COL27A1: variants seen among roughly 807,000 people sequenced by gnomAD.
COL27A1 encodes the protein collagen alpha-1(XXVII) chain.
In COL27A1, 106 loss-of-function variants were observed where a neutral mutation model predicts 251.3. The ratio of observed to expected loss-of-function variants is 0.42; its 90% CI spans 0.36 to 0.50. The LOEUF (loss-of-function observed/expected upper bound fraction) is 0.50, where lower values mean the gene tolerates loss of function less well. Among genes scored for constraint, COL27A1 ranks in the 20% least tolerant of loss-of-function variants. The pLI is 0.00. For synonymous variants in COL27A1, 1,000 were observed against 986.3 expected (o/e 1.01, Z -0.26); for missense variants, 2,325 against 2,522.8 (o/e 0.92, Z 1.68).
chr9:114,285,137 A>T (rs531114194), intron 41 of COL27A1, among the ~76,000 whole-genome samples: 1 of 152,342 alleles, frequency 6.6e-6, no homozygotes, highest in Non-Finnish European at 1.5e-5. Flanking sequence ...CTTGCCCATG[A>T]ATAAGATCAC....
intron 3 of COL27A1, among the ~76,000 whole-genome samples, chr9:114,169,862 T>A (rs1385927684): frequency 6.6e-6 from 1 of 152,226 alleles, no homozygotes; most frequent in African/African-American, 2.4e-5. Context: ...TCCCAGCTCA[T>A]GGAGCAGGGG....
chr9:114,277,799 G>A (rs1835603606), intron 37 of COL27A1, among the ~76,000 whole-genome samples: 1 of 152,176 alleles, frequency 6.6e-6, no homozygotes, highest in East Asian at 1.9e-4. Flanking sequence ...CTCTGGTTTT[G>A]CCCTTGGAGG....
intron 28 of COL27A1, among the ~76,000 whole-genome samples, chr9:114,260,319 G>T (rs967431001): frequency 1.3e-5 from 2 of 152,206 alleles, no homozygotes; most frequent in African/African-American, 4.8e-5. Context: ...CACTGGGTTT[G>T]TCAGGAATGC....
At position 114,306,501 on chromosome 9, in the gene COL27A1, C is replaced by T. The variant is rs1435646643; in HGVS notation, c.4939-19C>T. 6.2e-7 allele frequency: 1 copy of T among 1,612,908 alleles called. No individual in the cohort carries two copies. The highest frequency in any genetic ancestry group is 1.3e-5 in the African/African-American group (1 of 74,888). ...ACCAGGACCCTAAGGTCCCAATGAC[C>T]ACCCTCTCCTCGTGACAGAGTTACA... is the stretch of plus-strand genomic sequence containing the variant. On this transcript the variant is annotated intron_variant, in intron 57 of 60. Coordinates refer to ENST00000356083, the MANE Select transcript of COL27A1 (RefSeq NM_032888.4).
At chr9:114,180,842 G>T (rs946947150) in intron 4 of COL27A1, among the ~76,000 whole-genome samples, 10 of 152,150 alleles carry the variant, frequency 6.6e-5, no homozygotes, top group Admixed American at 2.0e-4. Context: ...GGACGGGGGG[G>T]CAGGGAAACA....
chr9:114,288,160 G>T (rs1401330051), intron 41 of COL27A1, among the ~76,000 whole-genome samples: 1 of 152,130 alleles, frequency 6.6e-6, no homozygotes, highest in Non-Finnish European at 1.5e-5. Context: ...CCACACGGCT[G>T]GTCCTTTGCA....
At chr9:114,238,306 G>A (rs1832531809) in intron 19 of COL27A1, among the ~76,000 whole-genome samples, 2 of 152,356 alleles carry the variant, frequency 1.3e-5, no homozygotes, top group Admixed American at 6.5e-5. Flanking sequence ...GAATTCACAT[G>A]TAATGTTGCG....
At chr9:114,197,906 A>G (rs1444597560) in intron 7 of COL27A1, among the ~76,000 whole-genome samples, 1 of 152,238 alleles carries the variant, frequency 6.6e-6, no homozygotes, top group African/African-American at 2.4e-5. Flanking sequence ...GTCCCAAGGC[A>G]GAGACCCCTG....
intron 12 of COL27A1, chr9:114,218,042 G>A (rs1830824519): frequency 2.8e-6 from 1 of 353,728 alleles, no homozygotes; most frequent in Admixed American, 3.8e-5. Context: ...AGGAGGCAGA[G>A]GTTGCAGTGA....
In COL27A1 at chr9:114,305,023, G is replaced by A. The variant is rs550235925; in HGVS notation, c.4938+350G>A. 1.2e-4 allele frequency among the ~76,000 whole-genome samples: 18 copies of A among 152,318 alleles called. No homozygotes were observed. The South Asian group carries it at 2.9e-3, about 25-fold the overall frequency. On this transcript the variant is annotated intron_variant, in intron 57 of 60. Coordinates refer to ENST00000356083, the MANE Select transcript of COL27A1 (RefSeq NM_032888.4). ...GCAGCTTCCCAGTGCTCATCCCCACGTTTCTTCAGGAGTAAGAAGCTCATG... is the reference window on the plus strand; with the variant it reads ...GCAGCTTCCCAGTGCTCATCCCCACATTTCTTCAGGAGTAAGAAGCTCATG...
chr9:114,252,813 C>A, intron 26 of COL27A1, 66 bp from the exon 27 acceptor site: 1 of 1,542,082 alleles, frequency 6.5e-7, no homozygotes, highest in Non-Finnish European at 9.0e-7. Context: ...GCTGAGCCGA[C>A]CGAGGTGGGA....
intron 28 of COL27A1, among the ~76,000 whole-genome samples, chr9:114,263,127 T>TG (rs1230743697): frequency 6.6e-6 from 1 of 151,898 alleles, no homozygotes; most frequent in Non-Finnish European, 1.5e-5. Context: ...ATAGTAGAGA[T>TG]GGGGTTTCAC....
chr9:114,221,855 G>A (rs1831131522), intron 13 of COL27A1, among the ~76,000 whole-genome samples: 1 of 152,238 alleles, frequency 6.6e-6, no homozygotes, highest in Admixed American at 6.5e-5. Flanking sequence ...GGCCTTGGGT[G>A]AATCACTTAA....
At chr9:114,207,716 G>C (rs1488452415) in intron 10 of COL27A1, among the ~76,000 whole-genome samples, 2 of 152,320 alleles carry the variant, frequency 1.3e-5, no homozygotes, top group South Asian at 2.1e-4. Flanking sequence ...GTAGGCAGAG[G>C]GCAGGCTTTG....
At chr9:114,244,628 A>C (rs1045497305) in intron 23 of COL27A1, among the ~76,000 whole-genome samples, 1 of 152,196 alleles carries the variant, frequency 6.6e-6, no homozygotes, top group African/African-American at 2.4e-5. Flanking sequence ...TGGCCCACTT[A>C]TCTGTCCTGG....
chr9:114,281,597 C>T (rs1034665333), intron 37 of COL27A1, among the ~76,000 whole-genome samples: 1 of 152,202 alleles, frequency 6.6e-6, no homozygotes, highest in African/African-American at 2.4e-5. Context: ...GAGGAGGGGC[C>T]CGTTCAAGGG....
intron 2 of COL27A1, among the ~76,000 whole-genome samples, chr9:114,165,898 C>CCATCAATT (rs1161497939): frequency 2.6e-5 from 4 of 151,328 alleles, no homozygotes; most frequent in African/African-American, 9.7e-5. Flanking sequence ...ACCTATCTAT[C>CCATCAATT]CATCAATTCA....
intron 27 of COL27A1, among the ~76,000 whole-genome samples, chr9:114,256,697 G>A (rs1046467236): frequency 3.3e-5 from 5 of 152,154 alleles, no homozygotes; most frequent in Non-Finnish European, 7.4e-5. Context: ...ACTCTAGGGG[G>A]TAAGGACTCT....
intron 22 of COL27A1, 72 bp downstream of exon 22, chr9:114,242,303 C>A: frequency 7.5e-7 from 1 of 1,335,936 alleles, no homozygotes; most frequent in Non-Finnish European, 1.0e-6. Context: ...AGGGCAACAT[C>A]TGGCCAGTGC....
Sources: allele counts gnomAD v4.1 joint callset (sites outside exome capture counted in the v4.1 genomes callset), GRCh38; gene constraint gnomAD v4.1.1; transcripts MANE v1.5; gene names NCBI Gene and HGNC (gene_info 2026-07-23, HGNC 2026-07-21).